Variants in ANKS6 observed in about 807,000 individuals in gnomAD.
ANKS6 encodes the protein ankyrin repeat and SAM domain-containing protein 6.
A neutral mutation model predicts 77.9 loss-of-function variants in ANKS6; 47 were observed. The observed-to-expected ratio is 0.60, with a 90% CI of 0.48 to 0.77. ANKS6 has a LOEUF of 0.77. Ranked by LOEUF, ANKS6 falls within the 30% of genes least tolerant of loss-of-function variation. The pLI is 0.00. For synonymous variants in ANKS6, 488 were observed against 501.7 expected (o/e 0.97, Z 0.37); for missense variants, 1,150 against 1,159.1 (o/e 0.99, Z 0.11).
intron 1 of ANKS6, among the ~76,000 whole-genome samples, chr9:98,794,558 G>C (rs1835075963): frequency 1.3e-5 from 2 of 152,188 alleles, no homozygotes; most frequent in South Asian, 4.1e-4. Flanking sequence ...CCTGAATATA[G>C]AGTCGGTGTC....
intron 2 of ANKS6, chr9:98,789,865 T>A: frequency 2.0e-6 from 1 of 498,056 alleles, no homozygotes; most frequent in African/African-American, 1.9e-5. Context: ...GCAGCCTTGT[T>A]ATAGAGGCTT....
At chr9:98,774,278 C>G (rs909451512) in intron 8 of ANKS6, among the ~76,000 whole-genome samples, 198 bp from the exon 9 acceptor site, 2 of 152,212 alleles carry the variant, frequency 1.3e-5, no homozygotes, top group Non-Finnish European at 2.9e-5. Flanking sequence ...CAACACCAGG[C>G]TTCTTCTGGA....
At position 98,735,085 on chromosome 9, in the gene ANKS6, A is replaced by C. The variant is rs1197475737; in HGVS notation, c.*1434T>G. 7.1e-6 allele frequency: 7 copies of C among 985,356 alleles called. No homozygotes were observed. In the African/African-American group the frequency reaches 1.2e-4, roughly 17 times the overall value. 61.0% of individuals were successfully genotyped at this position (985,356 alleles called of 1,614,324 possible). A position where few individuals can be genotyped will look rare whatever the true frequency, so the allele number is the denominator to read the frequency against. Reference sequence around the variant, plus strand: ...TCCCAAGGAGACCAACTTGTGGCTCAGCATGGCTCAAGGTAGAGATCAGAA... The same window carrying C: ...TCCCAAGGAGACCAACTTGTGGCTCCGCATGGCTCAAGGTAGAGATCAGAA... On this transcript the variant is annotated 3_prime_UTR_variant, in exon 15 of 15. Coordinates refer to ENST00000353234, the MANE Select transcript of ANKS6 (RefSeq NM_173551.5).
chr9:98,776,210 C>A (rs1833910527), intron 8 of ANKS6, among the ~76,000 whole-genome samples: 1 of 152,096 alleles, frequency 6.6e-6, no homozygotes, highest in Non-Finnish European at 1.5e-5. Context: ...TGGGAGTGAT[C>A]TTGTTTAAAA....
intron 8 of ANKS6, among the ~76,000 whole-genome samples, chr9:98,776,725 T>C (rs1262212595): frequency 6.6e-6 from 1 of 152,172 alleles, no homozygotes; most frequent in Admixed American, 6.5e-5. Flanking sequence ...TAAAGACAGC[T>C]GGCATGTGCC....
chr9:98,796,117 G>A lies in ANKS6; in HGVS notation c.359+16C>T. On this transcript the variant is annotated intron_variant, in intron 1 of 14. Coordinates refer to ENST00000353234, the MANE Select transcript of ANKS6 (RefSeq NM_173551.5). ...GCACCACTCTGGTCCCGGGCCCCCG[G>A]GCCCCGCCGCCTCACCTGGCCGCCT... The A allele has an allele frequency of 7.5e-7, 1 of 1,339,024 alleles. No individual in the cohort carries two copies. The highest frequency in any genetic ancestry group is 9.6e-7 in the Non-Finnish European group (1 of 1,046,670). 82.9% of individuals were successfully genotyped at this position (1,339,024 alleles called of 1,614,324 possible). A position where few individuals can be genotyped will look rare whatever the true frequency, so the allele number is the denominator to read the frequency against.
At chr9:98,748,372 AGTATCCTTTCAATAT>A (rs1832256857) in intron 13 of ANKS6, among the ~76,000 whole-genome samples, 1 of 152,226 alleles carries the variant, frequency 6.6e-6, no homozygotes, top group Non-Finnish European at 1.5e-5. Context: ...GAAATATCCC[AGTATCCTTTCAATAT>A]TCATGCCCTA....
rs556672072 is a variant in ANKS6 at position 98,794,628 on chromosome 9, T to G, written c.359+1505A>C. Among the ~76,000 whole-genome samples the G allele has an allele frequency of 5.3e-5, 8 of 152,220 alleles. No individual in the cohort carries two copies. In the South Asian group the frequency reaches 1.7e-3, roughly 32 times the overall value. On this transcript the variant is annotated intron_variant, in intron 1 of 14. Transcript: ENST00000353234. Reference sequence around the variant, plus strand: ...CAGGCTCAAGACTATCCTGCAGAACTTGGTTAAAACTGATGATCTGGGGTC... The same window carrying G: ...CAGGCTCAAGACTATCCTGCAGAACGTGGTTAAAACTGATGATCTGGGGTC...
At chr9:98,738,960 TGGAGACTATTATTCTAAGTGAA>T (rs576990933) in intron 14 of ANKS6, among the ~76,000 whole-genome samples, 27 of 152,158 alleles carry the variant, frequency 1.8e-4, no homozygotes, top group South Asian at 4.1e-4. Flanking sequence ...TGGATGAGAT[TGGAGACTATTATTCTAAGTGAA>T]GGAGACTATT....
intron 12 of ANKS6, among the ~76,000 whole-genome samples, chr9:98,753,530 G>T (rs780172769): frequency 1.3e-5 from 2 of 151,912 alleles, no homozygotes; most frequent in Non-Finnish European, 2.9e-5. Context: ...ATCAAGCCCC[G>T]GATTGCTTGA....
chr9:98,778,140 C>T (rs1212876481), intron 7 of ANKS6, 86 bp downstream of exon 7: 31 of 1,471,070 alleles, frequency 2.1e-5, no homozygotes, highest in Non-Finnish European at 2.8e-5. Flanking sequence ...TTACCCCTGA[C>T]AGCAACCCAG....
At chr9:98,792,777 G>A (rs754108105) in intron 1 of ANKS6, among the ~76,000 whole-genome samples, 5 of 152,124 alleles carry the variant, frequency 3.3e-5, no homozygotes. Context: ...CAATTTGAAC[G>A]TGATAGAGTC....
At chr9:98,792,650 C>T (rs963939355) in intron 1 of ANKS6, among the ~76,000 whole-genome samples, 1 of 152,164 alleles carries the variant, frequency 6.6e-6, no homozygotes, top group African/African-American at 2.4e-5. Flanking sequence ...TAATCCCTAA[C>T]AGCAGATTAC....
At chr9:98,748,061 T>C (rs1444329597) in intron 13 of ANKS6, among the ~76,000 whole-genome samples, 2 of 152,214 alleles carry the variant, frequency 1.3e-5, no homozygotes, top group Non-Finnish European at 2.9e-5. Flanking sequence ...TGGCCCTCAT[T>C]TCATAGACCC....
intron 5 of ANKS6, among the ~76,000 whole-genome samples, chr9:98,780,550 CG>C (rs1300258651): frequency 1.3e-5 from 2 of 152,198 alleles, no homozygotes; most frequent in East Asian, 1.9e-4. Flanking sequence ...AAAGAAAAAC[CG>C]GAAGTCCTCT....
In ANKS6 at chr9:98,733,682, A is replaced by T; in HGVS notation, c.*2837T>A. Reference sequence around the variant, plus strand: ...TGAGAGTAATGTGGGAGATGCTATGAGTTTCTTGGCCCTGTGAAGAGGCCT... The same window carrying T: ...TGAGAGTAATGTGGGAGATGCTATGTGTTTCTTGGCCCTGTGAAGAGGCCT... On this transcript the variant is annotated 3_prime_UTR_variant, in exon 15 of 15. Coordinates refer to ENST00000353234, the MANE Select transcript of ANKS6 (RefSeq NM_173551.5). 2 of 985,412 alleles carry T rather than the reference A, an allele frequency of 2.0e-6. No homozygotes were observed. Among genetic ancestry groups the T allele is most frequent in the Non-Finnish European group, 2.4e-6 (2 of 829,940 alleles). The allele number at this position is 985,412 out of a possible 1,614,324, so 61.0% of individuals were successfully genotyped here.
intron 13 of ANKS6, among the ~76,000 whole-genome samples, chr9:98,746,581 GCTT>G (rs1381984946): frequency 1.4e-5 from 2 of 140,230 alleles, no homozygotes; most frequent in South Asian, 2.3e-4. Context: ...GGCACAGAGA[GCTT>G]TTTTTTTTTT....
rs79073889 is a variant in ANKS6 at position 98,784,128 on chromosome 9, C to A, written c.937G>T (p.Asp313Tyr). 4 of 1,557,920 alleles carry A rather than the reference C, an allele frequency of 2.6e-6. No homozygotes were observed. Among genetic ancestry groups the A allele is most frequent in the Non-Finnish European group, 1.7e-6 (2 of 1,145,904 alleles). Residue 313 changes from aspartate to tyrosine, a missense_variant, in exon 4 of 15, where the codon GAT becomes TAT. Asp to Tyr is a radical substitution (Grantham distance 160). Coordinates refer to ENST00000353234, the MANE Select transcript of ANKS6 (RefSeq NM_173551.5). ...GNFQLVKEIA[D>Y]EDPSHVNLVN... ...AAGTTCACGTGGCTGGGGTCTTCAT[C>A]GGCAATCTCTTTGACCAGCTGGAAG...
chr9:98,765,104 C>T (rs1833198499), intron 11 of ANKS6, among the ~76,000 whole-genome samples: 2 of 152,092 alleles, frequency 1.3e-5, no homozygotes, highest in African/African-American at 4.8e-5. Context: ...GCTGGCTATA[C>T]TACTAATAAA....
Sources: gnomAD v4.1 joint callset for allele counts (sites outside exome capture counted in the v4.1 genomes callset) on GRCh38, gnomAD v4.1.1 for gene constraint, MANE v1.5 for transcripts, NCBI Gene and HGNC (gene_info 2026-07-23, HGNC 2026-07-21) for gene names.